The following PCDHGC3 variants were observed in gnomAD, a reference collection of about 807,000 sequenced individuals.
PCDHGC3 encodes protocadherin gamma subfamily C, 3.
PCDHGC3 carries 26 observed loss-of-function variants against 59.2 expected under a neutral mutation model. The ratio of observed to expected loss-of-function variants is 0.44; its 90% confidence interval spans 0.32 to 0.61. The LOEUF is 0.61. PCDHGC3 is among the 20% of genes least tolerant of loss of function. PCDHGC3 has a pLI of 0.05. For synonymous variants in PCDHGC3, 487 were observed against 519.7 expected, an observed-to-expected ratio of 0.94 and a Z score of 0.86; for missense variants, 1,080 against 1,221.8, an observed-to-expected ratio of 0.88 and a Z score of 1.73.
rs924491576 is a variant in PCDHGC3, at chr5:141,491,579, C to T, written c.2431-3228C>T. On this transcript the variant is annotated intron_variant, in intron 1 of 3. Coordinates refer to ENST00000308177, the MANE Select transcript of PCDHGC3 (RefSeq NM_002588.4). This position sits in a 1 kb window ranked among gnomAD's most constrained non-coding sequence, Gnocchi z 6.9. ...CACTGCTACAGGACGTGCTTTTCAC[C>T]GGCCTCGGACGGCAGTGACTTCACT... is the stretch of plus-strand genomic sequence containing the variant. 18 of 1,613,810 alleles carry T rather than the reference C, an allele frequency of 1.1e-5. No homozygotes were observed. Among genetic ancestry groups the T allele is most frequent in the Non-Finnish European group, 1.4e-5 (17 of 1,180,044 alleles).
rs753845173 is a variant in PCDHGC3, at chr5:141,490,873, C to T, written c.2431-3934C>T. On this transcript the variant is annotated intron_variant, in intron 1 of 3. Coordinates refer to ENST00000308177, the MANE Select transcript of PCDHGC3 (RefSeq NM_002588.4). The surrounding 1 kb of genome is among the most constrained non-coding windows in gnomAD (Gnocchi z 5.4). Reference sequence around the variant, plus strand: ...TCGAGACTCCGGCTCTCCCCCATTGCATGCCAACACATCTCTGCATGTGTT... The same window carrying T: ...TCGAGACTCCGGCTCTCCCCCATTGTATGCCAACACATCTCTGCATGTGTT... 5.6e-6 allele frequency: 9 copies of T among 1,613,884 alleles called. No homozygotes were observed. The highest frequency in any genetic ancestry group is 7.6e-6 in the Non-Finnish European group (9 of 1,179,908).
At position 141,490,357 on chromosome 5, in the gene PCDHGC3, A is replaced by G; in HGVS notation, c.2431-4450A>G. ...AGTGGGCACAGTAGTGGGGTTGTTT[A>G]ATGTGCGAGACCGGGACTCAGGTAG... On this transcript the variant is annotated intron_variant, in intron 1 of 3. Transcript: ENST00000308177. This position sits in a 1 kb window ranked among gnomAD's most constrained non-coding sequence, Gnocchi z 5.4. The G allele has an allele frequency of 6.2e-7, 1 of 1,614,178 alleles. No individual in the cohort carries two copies. The highest frequency in any genetic ancestry group is 8.5e-7 in the Non-Finnish European group (1 of 1,180,030).
rs773729429 is a variant in PCDHGC3, at chr5:141,491,406, C to T, written c.2431-3401C>T. ...CGAAGTGCCTTCAGGGAAACGCAGA[C>T]GGGGACGGGGGTGGAGGGCAGTGCT... On this transcript the variant is annotated intron_variant, in intron 1 of 3. Transcript: ENST00000308177. The surrounding 1 kb of genome is among the most constrained non-coding windows in gnomAD (Gnocchi z 6.9). The T allele has an allele frequency of 1.2e-6, 2 of 1,614,096 alleles. No homozygotes were observed. The highest frequency in any genetic ancestry group is 1.7e-6 in the Non-Finnish European group (2 of 1,179,990).
In PCDHGC3 at chr5:141,511,251, A is replaced by T. The variant is rs780892899; in HGVS notation, c.*78A>T. 2.0e-5 allele frequency: 32 copies of T among 1,571,672 alleles called. No homozygotes were observed. Among genetic ancestry groups the T allele is most frequent in the Non-Finnish European group, 2.6e-5 (30 of 1,158,828 alleles). ...TTCTCCTTACCTGCACCCAGGCCTC[A>T]GAGTTTCAGGGCTAACCCCCAGAAT... On this transcript the variant is annotated 3_prime_UTR_variant, in exon 4 of 4. Transcript: ENST00000308177.
At position 141,487,080 on chromosome 5, in the gene PCDHGC3, C is replaced by G. The variant is rs2154580766; in HGVS notation, c.2431-7727C>G. 1 of 1,614,126 alleles carries G rather than the reference C, an allele frequency of 6.2e-7. No individual in the cohort carries two copies. Among genetic ancestry groups the G allele is most frequent in the East Asian group, 2.2e-5 (1 of 44,872 alleles). On this transcript the variant is annotated intron_variant, in intron 1 of 3. Coordinates refer to ENST00000308177, the MANE Select transcript of PCDHGC3 (RefSeq NM_002588.4). This position sits in a 1 kb window ranked among gnomAD's most constrained non-coding sequence, Gnocchi z 5.0. ...GTGCGGACGGCTGTTCCTATCCCAG[C>G]TGACCTCCCACCACAGAAGCTGGTC...
At position 141,485,729 on chromosome 5, in the gene PCDHGC3, A is replaced by G. The variant is rs2099618322; in HGVS notation, c.2430+7183A>G. 6.2e-7 allele frequency: 1 copy of G among 1,614,092 alleles called. No individual in the cohort carries two copies. The highest frequency in any genetic ancestry group is 1.1e-5 in the South Asian group (1 of 91,094). ...CTTTGCACTGGATGTGAAGAAGCGCAGCGACGGCAGCCTGGTCCCAGAGCT... is the reference window on the plus strand; with the variant it reads ...CTTTGCACTGGATGTGAAGAAGCGCGGCGACGGCAGCCTGGTCCCAGAGCT... On this transcript the variant is annotated intron_variant, in intron 1 of 3. Coordinates refer to ENST00000308177, the MANE Select transcript of PCDHGC3 (RefSeq NM_002588.4). This position sits in a 1 kb window ranked among gnomAD's most constrained non-coding sequence, Gnocchi z 5.7.
Position 141,485,094 on chromosome 5 carries a change from C to A in PCDHGC3, c.2430+6548C>A. ...GGCGCGGGGAAAGGGAGATAGGTGT[C>A]TCCAGCTGCTGTGGCTGTTTGGGGC... On this transcript the variant is annotated intron_variant, in intron 1 of 3. Coordinates refer to ENST00000308177, the MANE Select transcript of PCDHGC3 (RefSeq NM_002588.4). The surrounding 1 kb of genome is among the most constrained non-coding windows in gnomAD (Gnocchi z 5.7). 9.1e-7 allele frequency: 1 copy of A among 1,100,766 alleles called. No individual in the cohort carries two copies. Among genetic ancestry groups the A allele is most frequent in the Non-Finnish European group, 1.4e-6 (1 of 736,922 alleles). The allele number at this position is 1,100,766 out of a possible 1,614,324, so 68.2% of individuals were successfully genotyped here. A position where few individuals can be genotyped will look rare whatever the true frequency, so the allele number is the denominator to read the frequency against.
intron 3 of PCDHGC3, 78 bp from the exon 4 acceptor site, chr5:141,510,869 T>C: frequency 9.3e-6 from 15 of 1,608,708 alleles, no homozygotes; most frequent in Non-Finnish European, 1.3e-5. Flanking sequence ...AGGCATTCAT[T>C]AACTGCTGGG....
At position 141,489,733 on chromosome 5, in the gene PCDHGC3, A is replaced by C; in HGVS notation, c.2431-5074A>C. ...TGCCCAGGATCCGGATGTGGGCACC[A>C]ATACTGTGAGCTTTTACACTCTAAG... On this transcript the variant is annotated intron_variant, in intron 1 of 3. Coordinates refer to ENST00000308177, the MANE Select transcript of PCDHGC3 (RefSeq NM_002588.4). This position sits in a 1 kb window ranked among gnomAD's most constrained non-coding sequence, Gnocchi z 4.5. 1 of 1,614,168 alleles carries C rather than the reference A, an allele frequency of 6.2e-7. No individual in the cohort carries two copies. The highest frequency in any genetic ancestry group is 1.1e-5 in the South Asian group (1 of 91,078).
rs976135607 is a variant in PCDHGC3 at position 141,489,115 on chromosome 5, C to A, written c.2431-5692C>A. ...CTAAGAACTGCTGCAAGCAGGCAAA[C>A]CTCCGAGCAGTTTTTAAGAGGCTGG... On this transcript the variant is annotated intron_variant, in intron 1 of 3. Coordinates refer to ENST00000308177, the MANE Select transcript of PCDHGC3 (RefSeq NM_002588.4). This position sits in a 1 kb window ranked among gnomAD's most constrained non-coding sequence, Gnocchi z 4.5. 7.3e-5 allele frequency: 37 copies of A among 506,794 alleles called. No homozygotes were observed. Among genetic ancestry groups the A allele is most frequent in the Non-Finnish European group, 1.2e-4 (35 of 298,604 alleles). 31.4% of individuals were successfully genotyped at this position (506,794 alleles called of 1,614,324 possible).
At chr5:141,505,780 G>A (rs1595982811) in intron 3 of PCDHGC3, among the ~76,000 whole-genome samples, 1 of 139,456 alleles carries the variant, frequency 7.2e-6, no homozygotes, top group Non-Finnish European at 1.6e-5. Flanking sequence ...TCCTAGCTCT[G>A]CTACTATCCT....
rs148558897 is a variant in PCDHGC3, at chr5:141,489,890, G to A, written c.2431-4917G>A. On this transcript the variant is annotated intron_variant, in intron 1 of 3. Coordinates refer to ENST00000308177, the MANE Select transcript of PCDHGC3 (RefSeq NM_002588.4). The surrounding 1 kb of genome is among the most constrained non-coding windows in gnomAD (Gnocchi z 4.5). Reference sequence around the variant, plus strand: ...CAGCTGGTGCTTACTGCTGTGGATGGGGGGACCCCAGCCCGCTCAGGGACC... The same window carrying A: ...CAGCTGGTGCTTACTGCTGTGGATGAGGGGACCCCAGCCCGCTCAGGGACC... 6.2e-7 allele frequency: 1 copy of A among 1,614,198 alleles called. No homozygotes were observed. The highest frequency in any genetic ancestry group is 8.5e-7 in the Non-Finnish European group (1 of 1,180,028).
intron 2 of PCDHGC3, among the ~76,000 whole-genome samples, chr5:141,498,436 A>G (rs566463876): frequency 6.6e-6 from 1 of 152,268 alleles, no homozygotes; most frequent in East Asian, 1.9e-4. Flanking sequence ...GGGGATGAAG[A>G]GGAGAGGTTC....
intron 1 of PCDHGC3, among the ~76,000 whole-genome samples, chr5:141,481,555 C>T (rs1013876865): frequency 3.3e-5 from 5 of 152,164 alleles, no homozygotes; most frequent in South Asian, 2.1e-4. Flanking sequence ...CAGTGGCTCA[C>T]GCCTGTAATC....
Position 141,510,868 on chromosome 5 carries a change from T to C in PCDHGC3, c.2579-79T>C, listed in dbSNP as rs2099883142. 40 of 1,608,466 alleles carry C rather than the reference T, an allele frequency of 2.5e-5. No homozygotes were observed. The Middle Eastern group carries it at 4.9e-4, about 20-fold the overall frequency. On this transcript the variant is annotated intron_variant, in intron 3 of 3. Transcript: ENST00000308177. The stretch of plus-strand genomic sequence containing the variant: ...GCCCAGGGTGCTGTATAGGCATTCA[T>C]TAACTGCTGGGGATATAAGACAGTG...
At position 141,490,753 on chromosome 5, in the gene PCDHGC3, T is replaced by C; in HGVS notation, c.2431-4054T>C. ...TCAGGTTCAGGGAGCCCCAGCCTCC[T>C]CCTTTGTGTATGTCAACCCAGAGGA... On this transcript the variant is annotated intron_variant, in intron 1 of 3. Transcript: ENST00000308177. This position sits in a 1 kb window ranked among gnomAD's most constrained non-coding sequence, Gnocchi z 5.4. 1 of 1,614,184 alleles carries C rather than the reference T, an allele frequency of 6.2e-7. No individual in the cohort carries two copies. The highest frequency in any genetic ancestry group is 8.5e-7 in the Non-Finnish European group (1 of 1,180,024).
rs979093310 is a variant in PCDHGC3 at position 141,486,621 on chromosome 5, A to G, written c.2430+8075A>G. On this transcript the variant is annotated intron_variant, in intron 1 of 3. Transcript: ENST00000308177. This position sits in a 1 kb window ranked among gnomAD's most constrained non-coding sequence, Gnocchi z 5.0. The stretch of plus-strand genomic sequence containing the variant: ...TGCTCCCTTGCAGCCTCTGACCCAG[A>G]CTCTGGCTTGAATGCGCTTATCTCC... 6.2e-7 allele frequency: 1 copy of G among 1,613,388 alleles called. No individual in the cohort carries two copies. The highest frequency in any genetic ancestry group is 1.3e-5 in the African/African-American group (1 of 74,960).
chr5:141,506,294 C>T (rs1165174121), intron 3 of PCDHGC3, among the ~76,000 whole-genome samples: 1 of 151,888 alleles, frequency 6.6e-6, no homozygotes, highest in African/African-American at 2.4e-5. Context: ...ACTAAAAATA[C>T]AAAAATTAGC....
intron 1 of PCDHGC3, 87 bp downstream of exon 1, chr5:141,478,633 T>C: frequency 6.4e-7 from 1 of 1,553,032 alleles, no homozygotes; most frequent in Non-Finnish European, 8.7e-7. Context: ...GTTTTTTTAG[T>C]GATGAAGATG....
Sources: gnomAD v4.1 joint callset for allele counts (sites outside exome capture counted in the v4.1 genomes callset) on GRCh38, gnomAD v4.1.1 for gene constraint, Gnocchi (gnomAD v3.1) non-coding constraint, MANE v1.5 for transcripts, NCBI Gene and HGNC (gene_info 2026-07-23, HGNC 2026-07-21) for gene names.